DEF8: variants seen among roughly 807,000 people sequenced by gnomAD.
DEF8 encodes DEF-8.
DEF8 carries 38 observed loss-of-function variants against 59.1 expected under a neutral mutation model. The observed-to-expected ratio is 0.64, with a 90% CI of 0.50 to 0.84. DEF8 has a LOEUF of 0.84. Among genes scored for constraint, DEF8 ranks in the 40% least tolerant of loss-of-function variants. The pLI is 0.00. For synonymous variants in DEF8, 265 were observed against 250.1 expected, an observed-to-expected ratio of 1.06 and a Z score of -0.56; for missense variants, 557 against 615.2, an observed-to-expected ratio of 0.91 and a Z score of 1.00.
At position 89,963,397 on chromosome 16, in the gene DEF8, A is replaced by C. The variant is rs765138779; in HGVS notation, c.956A>C (p.Tyr319Ser). The C allele has an allele frequency of 6.2e-7, 1 of 1,613,922 alleles. No homozygotes were observed. Residue 319 changes from tyrosine (Y) to serine (S), a missense_variant, in exon 10 of 13, where the codon TAC becomes TCC. By Grantham distance (144) the Tyr-to-Ser change is moderately radical. Transcript: ENST00000563594. ...LRQDILLMKP[Y>S]FITCREAMEA... The stretch of plus-strand genomic sequence containing the variant: ...CAGGACATCCTGCTCATGAAGCCGT[A>C]CTTCATCACCTGCAGGGAGGCCATG...
At chr16:89,956,856 T>A (rs1260395511) in intron 4 of DEF8, 2 of 152,204 alleles carry the variant, frequency 1.3e-5, no homozygotes, top group African/African-American at 4.8e-5. Context: ...GGCCACAGGC[T>A]GAGCTGCAAG....
chr16:89,964,937 C>T (rs574697652), intron 12 of DEF8, among the ~76,000 whole-genome samples: 2 of 152,318 alleles, frequency 1.3e-5, no homozygotes, highest in East Asian at 3.9e-4. Flanking sequence ...TTAGTATAGG[C>T]TAGAGATTCC....
intron 7 of DEF8, among the ~76,000 whole-genome samples, 159 bp from the exon 8 acceptor site, chr16:89,961,578 G>A (rs1276864195): frequency 6.6e-6 from 1 of 152,220 alleles, no homozygotes; most frequent in African/African-American, 2.4e-5. Flanking sequence ...GAACAGGTCA[G>A]TGAGACGCTG....
chr16:89,950,014 G>A (rs2031710454), intron 2 of DEF8: 1 of 1,040,122 alleles, frequency 9.6e-7, no homozygotes. Flanking sequence ...CCAGGCCTGG[G>A]GCTGGCACTG....
intron 2 of DEF8, among the ~76,000 whole-genome samples, chr16:89,952,367 A>G (rs1010399167): frequency 6.6e-6 from 1 of 152,134 alleles, no homozygotes; most frequent in African/African-American, 2.4e-5. Flanking sequence ...TAAATCAGGG[A>G]GAACACGTAC....
rs758718034 is a variant in DEF8, at chr16:89,948,824, G to GCGGGGCCGGCGGGGT, written c.-108+25_-108+39dup. On this transcript the variant is annotated intron_variant, in intron 1 of 12. Coordinates refer to ENST00000563594, the MANE Select transcript of DEF8 (RefSeq NM_001242818.2). Reference sequence around the variant, plus strand: ...GCGAGGCGGCGGTCAGGTGAGCGGCGCGGGGCCGGCGGGGTCGGGGCCGGC... The same window carrying GCGGGGCCGGCGGGGT: ...GCGAGGCGGCGGTCAGGTGAGCGGCGCGGGGCCGGCGGGGTCGGGGCCGGCGGGGTCGGGGCCGGC... The GCGGGGCCGGCGGGGT allele has an allele frequency of 1.3e-4, 124 of 970,834 alleles. 5 individuals are homozygous for GCGGGGCCGGCGGGGT. The East Asian group carries it at 1.5e-3, about 12-fold the overall frequency. 60.1% of individuals were successfully genotyped at this position (970,834 alleles called of 1,614,324 possible).
chr16:89,955,845 G>C (rs2033078536), intron 4 of DEF8, among the ~76,000 whole-genome samples: 1 of 152,152 alleles, frequency 6.6e-6, no homozygotes, highest in Non-Finnish European at 1.5e-5. Flanking sequence ...GGCTGAGGCG[G>C]GCGGATCACG....
In DEF8 at chr16:89,961,096, G is replaced by A. The variant is rs758603812; in HGVS notation, c.679+1G>A. On this transcript the variant is annotated splice_donor_variant, in intron 7 of 12. Coordinates refer to ENST00000563594, the MANE Select transcript of DEF8 (RefSeq NM_001242818.2). LOFTEE classifies it high-confidence loss of function. Reference sequence around the variant, plus strand: ...GAGTGCCGGGCGCCCATCTCTCTGCGTGAGTGGTGGCAGGGAGAGAAGAGG... The same window carrying A: ...GAGTGCCGGGCGCCCATCTCTCTGCATGAGTGGTGGCAGGGAGAGAAGAGG... 2.5e-6 allele frequency: 4 copies of A among 1,609,222 alleles called. No homozygotes were observed. The highest frequency in any genetic ancestry group is 3.4e-6 in the Non-Finnish European group (4 of 1,176,108).
intron 12 of DEF8, among the ~76,000 whole-genome samples, 164 bp downstream of exon 12, chr16:89,964,739 G>A (rs2034461274): frequency 1.3e-5 from 2 of 152,148 alleles, no homozygotes; most frequent in Non-Finnish European, 2.9e-5. Context: ...CCTGAGATAT[G>A]AAGTCAGACC....
At chr16:89,957,030 C>T (rs2033316112) in intron 4 of DEF8, 1 of 154,762 alleles carries the variant, frequency 6.5e-6, no homozygotes, top group Non-Finnish European at 1.4e-5. Context: ...CCTTGCTGGG[C>T]CGTGAGCCCC....
chr16:89,962,292 T>C (rs2034125020), intron 9 of DEF8, among the ~76,000 whole-genome samples, 167 bp downstream of exon 9: 1 of 152,202 alleles, frequency 6.6e-6, no homozygotes, highest in Non-Finnish European at 1.5e-5. Flanking sequence ...TGGTTGAAGG[T>C]GCTGGAGCGG....
intron 1 of DEF8, among the ~76,000 whole-genome samples, 181 bp downstream of exon 1, chr16:89,948,995 C>T (rs551918047): frequency 3.4e-4 from 17 of 50,214 alleles, no homozygotes; most frequent in African/African-American, 1.5e-3. Flanking sequence ...GGGGACGGGG[C>T]CGGCGGGGTC....
intron 4 of DEF8, 135 bp from the exon 5 acceptor site, chr16:89,957,376 G>A: frequency 1.0e-6 from 1 of 972,386 alleles, no homozygotes; most frequent in East Asian, 2.7e-5. Context: ...CAAGTCCTCG[G>A]TGCCCTCTGG....
chr16:89,963,736 A>G, intron 10 of DEF8: 1 of 510,958 alleles, frequency 2.0e-6, no homozygotes, highest in Non-Finnish European at 3.6e-6. Flanking sequence ...TCATCTAATT[A>G]TGTGCTCAAC....
At chr16:89,952,082 T>A (rs2032243550) in intron 2 of DEF8, among the ~76,000 whole-genome samples, 3 of 152,122 alleles carry the variant, frequency 2.0e-5, no homozygotes. Context: ...TTTCAATGTG[T>A]TAGCCAGGAT....
intron 9 of DEF8, 56 bp from the exon 10 acceptor site, chr16:89,963,307 A>G: frequency 1.3e-6 from 2 of 1,515,440 alleles, no homozygotes; most frequent in Admixed American, 1.9e-5. Flanking sequence ...CGGCCCACAC[A>G]GGGGCCGCCC....
intron 2 of DEF8, among the ~76,000 whole-genome samples, chr16:89,953,227 G>A (rs544104165): frequency 5.8e-4 from 89 of 152,178 alleles, no homozygotes; most frequent in Non-Finnish European, 9.0e-4. Flanking sequence ...CTTACTTTGT[G>A]CTCAGTCTCT....
rs994944692 is a variant in DEF8, at chr16:89,966,035, C to T, written c.*72C>T. 1.2e-5 allele frequency: 15 copies of T among 1,256,140 alleles called. No individual in the cohort carries two copies. The highest frequency in any genetic ancestry group is 2.0e-5 in the Admixed American group (1 of 50,704). The allele number at this position is 1,256,140 out of a possible 1,614,324, so 77.8% of individuals were successfully genotyped here. On this transcript the variant is annotated 3_prime_UTR_variant, in exon 13 of 13. Coordinates refer to ENST00000563594, the MANE Select transcript of DEF8 (RefSeq NM_001242818.2). ...CCCTGCCAACATCAAGTTGTTCCTTCTGCTCCGGAGACCCCTGGGGTGCGG... is the reference window on the plus strand; with the variant it reads ...CCCTGCCAACATCAAGTTGTTCCTTTTGCTCCGGAGACCCCTGGGGTGCGG...
chr16:89,956,261 C>G (rs1269951180), intron 4 of DEF8, among the ~76,000 whole-genome samples: 1 of 151,810 alleles, frequency 6.6e-6, no homozygotes. Flanking sequence ...TCGAGACCAG[C>G]CTGACCAACA....
Sources: allele counts gnomAD v4.1 joint callset (sites outside exome capture counted in the v4.1 genomes callset), GRCh38; gene constraint gnomAD v4.1.1; transcripts MANE v1.5; gene names NCBI Gene and HGNC (gene_info 2026-07-23, HGNC 2026-07-21).